The following RBMS3 variants were observed in gnomAD, a reference collection of about 807,000 sequenced individuals.
The protein encoded by RBMS3 is RNA binding motif single stranded interacting protein 3.
A neutral mutation model predicts 66.8 loss-of-function variants in RBMS3; 27 were observed. The observed-to-expected ratio is 0.40, with a 90% CI of 0.30 to 0.56. The LOEUF (loss-of-function observed/expected upper bound fraction) is 0.56, where lower values mean the gene tolerates loss of function less well. Ranked by LOEUF, RBMS3 falls within the 20% of genes least tolerant of loss-of-function variation. RBMS3 has a pLI of 0.40. For missense variants in RBMS3, 513 were observed against 549.5 expected (o/e 0.93, Z 0.66); for synonymous variants, 188 against 183.0 (o/e 1.03, Z -0.22).
intron 4 of RBMS3, among the ~76,000 whole-genome samples, chr3:29,683,780 A>T (rs1448664320): frequency 6.6e-6 from 1 of 152,184 alleles, no homozygotes; most frequent in Non-Finnish European, 1.5e-5. Context: ...TTTTAAAAGC[A>T]TGTTATCTTT....
chr3:29,297,612 T>C (rs960992204), intron 1 of RBMS3, among the ~76,000 whole-genome samples: 3 of 151,832 alleles, frequency 2.0e-5, no homozygotes, highest in African/African-American at 7.2e-5. Context: ...TGGAAAGGAG[T>C]GCAAGTCTGT....
At chr3:29,619,164 G>A (rs766957959) in intron 4 of RBMS3, among the ~76,000 whole-genome samples, 2 of 151,762 alleles carry the variant, frequency 1.3e-5, no homozygotes, top group Non-Finnish European at 2.9e-5. Context: ...TGGGGTGAGG[G>A]GAGAAGGGAG....
At chr3:29,310,650 T>TAA (rs1465342264) in intron 1 of RBMS3, among the ~76,000 whole-genome samples, 1 of 151,668 alleles carries the variant, frequency 6.6e-6, no homozygotes, top group African/African-American at 2.4e-5. Flanking sequence ...CTGATGAACA[T>TAA]AAAACCAAAG....
At chr3:29,887,391 C>A (rs2149585921) in intron 8 of RBMS3, among the ~76,000 whole-genome samples, 1 of 151,774 alleles carries the variant, frequency 6.6e-6, no homozygotes, top group South Asian at 2.1e-4. Context: ...AGGGTGGTTT[C>A]CCCCATGCTA....
intron 1 of RBMS3, among the ~76,000 whole-genome samples, chr3:29,417,380 A>G (rs1261701578): frequency 6.6e-6 from 1 of 152,104 alleles, no homozygotes; most frequent in Non-Finnish European, 1.5e-5. Context: ...ATGTAAACTT[A>G]ACCTCTGGCT....
At chr3:29,497,017 ACTT>A (rs1195752510) in intron 3 of RBMS3, among the ~76,000 whole-genome samples, 1 of 144,436 alleles carries the variant, frequency 6.9e-6, no homozygotes, top group African/African-American at 2.7e-5. Context: ...TATTGGGAAA[ACTT>A]TTTTTTTTTT....
At chr3:29,460,041 TG>T (rs2042321972) in intron 2 of RBMS3, among the ~76,000 whole-genome samples, 1 of 152,228 alleles carries the variant, frequency 6.6e-6, no homozygotes, top group South Asian at 2.1e-4. Context: ...ATTATTTTCT[TG>T]TAATGAATCA....
intron 6 of RBMS3, among the ~76,000 whole-genome samples, chr3:29,847,719 G>C (rs1023470998): frequency 1.3e-5 from 2 of 151,674 alleles, no homozygotes; most frequent in African/African-American, 4.8e-5. Flanking sequence ...GCAGTGGCGC[G>C]ATCTCGGCTC....
intron 1 of RBMS3, among the ~76,000 whole-genome samples, chr3:29,379,577 A>G (rs1041196257): frequency 6.6e-6 from 1 of 152,178 alleles, no homozygotes; most frequent in Non-Finnish European, 1.5e-5. Context: ...TAAAACTATC[A>G]GATGTCATGA....
intron 1 of RBMS3, among the ~76,000 whole-genome samples, chr3:29,352,932 TTTTTTA>T (rs2037003122): frequency 6.6e-6 from 1 of 151,968 alleles, no homozygotes; most frequent in African/African-American, 2.4e-5. Context: ...CATTCTTTTT[TTTTTTA>T]TGGCTGTACA....
At chr3:29,904,119 C>A (rs1042971886) in intron 10 of RBMS3, among the ~76,000 whole-genome samples, 1 of 151,920 alleles carries the variant, frequency 6.6e-6, no homozygotes, top group Non-Finnish European at 1.5e-5. Flanking sequence ...CCTGGCTTTG[C>A]TACCGTTAAA....
intron 3 of RBMS3, among the ~76,000 whole-genome samples, chr3:29,586,036 C>T (rs748605032): frequency 6.6e-6 from 1 of 152,096 alleles, no homozygotes; most frequent in Non-Finnish European, 1.5e-5. Context: ...TGTCACAGTA[C>T]ACCTCCTTAG....
chr3:29,723,550 A>C (rs2053734551), intron 4 of RBMS3, among the ~76,000 whole-genome samples: 1 of 151,716 alleles, frequency 6.6e-6, no homozygotes, highest in Non-Finnish European at 1.5e-5. Context: ...TAAGAAGGTG[A>C]TCATTTATGC....
At chr3:29,631,642 C>A (rs145913783) in intron 4 of RBMS3, among the ~76,000 whole-genome samples, 145 of 151,890 alleles carry the variant, frequency 9.5e-4, no homozygotes, top group African/African-American at 3.4e-3. Context: ...CACATGTCCC[C>A]GTATTGCTGA....
chr3:29,886,463 G>C (rs984910632), intron 8 of RBMS3, among the ~76,000 whole-genome samples: 1 of 151,776 alleles, frequency 6.6e-6, no homozygotes, highest in Non-Finnish European at 1.5e-5. Flanking sequence ...GAAGCAATGA[G>C]ATTTGGCATA....
chr3:30,008,274 A>G lies in RBMS3; in HGVS notation c.*4412A>G, dbSNP rs1194525668. On this transcript the variant is annotated 3_prime_UTR_variant, in exon 15 of 15. Transcript: ENST00000383767. ...TGATGTTAATAGGAGATTAAAATAC[A>G]TTTGGCAATTCATTTTCATTCTTAA... The G allele has an allele frequency of 1.3e-4, 20 of 152,058 alleles. No individual in the cohort carries two copies. The highest frequency in any genetic ancestry group is 1.0e-3 in the Admixed American group (16 of 15,260). 9.4% of individuals were successfully genotyped at this position (152,058 alleles called of 1,614,324 possible).
At chr3:29,997,334 G>C (rs1699313044) in intron 14 of RBMS3, among the ~76,000 whole-genome samples, 2 of 150,930 alleles carry the variant, frequency 1.3e-5, no homozygotes, top group African/African-American at 4.9e-5. Flanking sequence ...AATTCTACCA[G>C]AGGTACAAGG....
intron 6 of RBMS3, among the ~76,000 whole-genome samples, chr3:29,801,552 G>GCCACCA (rs72354851): frequency 3.8e-5 from 2 of 52,042 alleles, no homozygotes; most frequent in African/African-American, 7.0e-5. Context: ...ACAGGCATGA[G>GCCACCA]CACCTGACCA....
intron 2 of RBMS3, among the ~76,000 whole-genome samples, chr3:29,474,557 C>T (rs946398042): frequency 6.6e-6 from 1 of 152,150 alleles, no homozygotes; most frequent in Non-Finnish European, 1.5e-5. Context: ...TATTTTACAA[C>T]TTATGTTGAA....
Sources: allele counts gnomAD v4.1 joint callset (sites outside exome capture counted in the v4.1 genomes callset), GRCh38; gene constraint gnomAD v4.1.1; transcripts MANE v1.5; gene names NCBI Gene and HGNC (gene_info 2026-07-23, HGNC 2026-07-21).